Variants in LARGE1 observed in about 807,000 individuals in gnomAD.
LARGE1 encodes xylosyl- and glucuronyltransferase LARGE1.
A neutral mutation model predicts 87.6 loss-of-function variants in LARGE1; 43 were observed. That is an observed-to-expected ratio of 0.49 (90% CI 0.38 to 0.63). The LOEUF (loss-of-function observed/expected upper bound fraction) is 0.63, where lower values mean the gene tolerates loss of function less well. Among genes scored for constraint, LARGE1 ranks in the 30% least tolerant of loss-of-function variants. The pLI is 0.00. For synonymous variants in LARGE1, 434 were observed against 394.6 expected, an observed-to-expected ratio of 1.10 and a Z score of -1.18; for missense variants, 802 against 1,000.2, an observed-to-expected ratio of 0.80 and a Z score of 2.67.
rs375174388 is a variant in LARGE1 at position 33,458,289 on chromosome 22, G to A, written c.788-26024C>T. The stretch of plus-strand genomic sequence containing the variant: ...TCGGCTAATTTTTTGTATTTTTAGT[G>A]GAGACGGGGTTTCACTGTGTCAGCC... On this transcript the variant is annotated intron_variant, in intron 6 of 14. Transcript: ENST00000397394. 1.1e-3 allele frequency among the ~76,000 whole-genome samples: 174 copies of A among 151,790 alleles called. 1 individual carries two copies. Among genetic ancestry groups the A allele is most frequent in the Non-Finnish European group, 1.9e-3 (131 of 67,928 alleles).
At chr22:33,128,693 AAAAAG>A in the LARGE1 span, among the ~76,000 whole-genome samples, 2 of 136,630 alleles carry the variant, frequency 1.5e-5, no homozygotes, top group South Asian at 2.6e-4. Flanking sequence ...AAAAAAAAAA[AAAAAG>A]AAAAAGAAAA....
At chr22:33,076,987 C>G in the LARGE1 span, among the ~76,000 whole-genome samples, 1 of 152,252 alleles carries the variant, frequency 6.6e-6, no homozygotes, top group East Asian at 1.9e-4. Flanking sequence ...TTGTACTACT[C>G]ACTGGCTGTG....
chr22:33,363,588 T>C (rs896148478), intron 9 of LARGE1, among the ~76,000 whole-genome samples: 1 of 149,636 alleles, frequency 6.7e-6, no homozygotes, highest in Non-Finnish European at 1.5e-5. Flanking sequence ...GTTTGGGTGG[T>C]GATACAGCCA....
the LARGE1 span, among the ~76,000 whole-genome samples, chr22:33,139,481 CT>C: frequency 1.3e-5 from 2 of 151,908 alleles, no homozygotes; most frequent in Admixed American, 6.6e-5. Context: ...TTCCCTCATT[CT>C]TTTTTTCCTT....
intron 11 of LARGE1, among the ~76,000 whole-genome samples, chr22:33,173,592 C>G (rs1299501532): frequency 4.6e-5 from 7 of 151,588 alleles, no homozygotes; most frequent in African/African-American, 1.7e-4. Context: ...TTCAGGAGAC[C>G]CATCTCACAT....
At chr22:33,858,366 G>C (rs569668454) in intron 1 of LARGE1, among the ~76,000 whole-genome samples, 1 of 152,280 alleles carries the variant, frequency 6.6e-6, no homozygotes, top group African/African-American at 2.4e-5. Context: ...GAGTGCGGTT[G>C]CAAGATTTAA....
At chr22:33,120,080 A>G in the LARGE1 span, among the ~76,000 whole-genome samples, 8 of 152,192 alleles carry the variant, frequency 5.3e-5, no homozygotes, top group African/African-American at 1.9e-4. Flanking sequence ...CATATTTGAA[A>G]TTAGTAAATA....
At chr22:33,155,995 G>A in the LARGE1 span, among the ~76,000 whole-genome samples, 2 of 152,318 alleles carry the variant, frequency 1.3e-5, no homozygotes, top group Admixed American at 6.5e-5. Context: ...TCCATGTAGT[G>A]TTGAGCCTGT....
chr22:33,807,582 T>C (rs2086352490), intron 1 of LARGE1, among the ~76,000 whole-genome samples: 1 of 152,186 alleles, frequency 6.6e-6, no homozygotes, highest in South Asian at 2.1e-4. Context: ...AAATATCTTA[T>C]TGGTTTTGAG....
the LARGE1 span, among the ~76,000 whole-genome samples, chr22:33,154,779 T>G: frequency 6.6e-6 from 1 of 152,150 alleles, no homozygotes; most frequent in Non-Finnish European, 1.5e-5. Context: ...AGATACAGAT[T>G]TGATATGGTT....
At chr22:33,230,004 CTTTTTTTTTTT>C (rs557120175) in intron 11 of LARGE1, among the ~76,000 whole-genome samples, 78 of 81,162 alleles carry the variant, frequency 9.6e-4, no homozygotes, top group African/African-American at 3.1e-3. Context: ...TTTCAAAGTT[CTTTTTTTTTTT>C]TTTTTTTTTT....
At chr22:33,288,603 T>C (rs1021762600) in intron 12 of LARGE1, among the ~76,000 whole-genome samples, 1 of 152,208 alleles carries the variant, frequency 6.6e-6, no homozygotes, top group Non-Finnish European at 1.5e-5. Context: ...GTCTGTCTAC[T>C]GTGGGTCTTG....
At chr22:33,797,625 C>T (rs2086028085) in intron 1 of LARGE1, among the ~76,000 whole-genome samples, 1 of 152,140 alleles carries the variant, frequency 6.6e-6, no homozygotes, top group South Asian at 2.1e-4. Flanking sequence ...TGACCAATCT[C>T]CCCTAAGCTG....
At chr22:33,525,751 G>GT (rs1335723442) in intron 6 of LARGE1, among the ~76,000 whole-genome samples, 1 of 152,196 alleles carries the variant, frequency 6.6e-6, no homozygotes, top group African/African-American at 2.4e-5. Flanking sequence ...CATCACCTGT[G>GT]TTTCACCTGT....
chr22:33,798,983 A>C (rs2086073416), intron 1 of LARGE1, among the ~76,000 whole-genome samples: 1 of 152,084 alleles, frequency 6.6e-6, no homozygotes, highest in African/African-American at 2.4e-5. Context: ...AAAAACAACA[A>C]CACTGTGGAC....
At chr22:33,516,689 A>C (rs1379119873) in intron 6 of LARGE1, among the ~76,000 whole-genome samples, 2 of 152,018 alleles carry the variant, frequency 1.3e-5, no homozygotes, top group Non-Finnish European at 1.5e-5. Flanking sequence ...TTCCGGGTTC[A>C]AGCGATTCTC....
At chr22:33,268,926 T>G (rs966949398), downstream of LARGE1, among the ~76,000 whole-genome samples, 2 of 152,198 alleles carry the variant, frequency 1.3e-5, no homozygotes, top group Non-Finnish European at 2.9e-5. Flanking sequence ...TTTTGTCACA[T>G]AATATGCTAT....
chr22:33,838,847 G>A (rs988255551), intron 1 of LARGE1, among the ~76,000 whole-genome samples: 6 of 151,968 alleles, frequency 3.9e-5, no homozygotes, highest in Non-Finnish European at 5.9e-5. Context: ...CATCTTACCC[G>A]TGACGGCTCT....
At chr22:33,854,013 C>T (rs188839078) in intron 1 of LARGE1, among the ~76,000 whole-genome samples, 15 of 152,126 alleles carry the variant, frequency 9.9e-5, no homozygotes, top group Admixed American at 3.3e-4. Flanking sequence ...ATGCCCAGAC[C>T]GGCCATACCA....
Sources: allele counts gnomAD v4.1 joint callset (sites outside exome capture counted in the v4.1 genomes callset), GRCh38; gene constraint gnomAD v4.1.1; transcripts MANE v1.5; gene names NCBI Gene and HGNC (gene_info 2026-07-23, HGNC 2026-07-21).